Variants in LRATD1 observed in about 807,000 individuals in gnomAD.
LRATD1 encodes the protein LRAT domain containing 1.
LRATD1 carries 8 observed loss-of-function variants against 21.3 expected under a neutral mutation model. The observed-to-expected ratio is 0.38, with a 90% CI of 0.22 to 0.68. The LOEUF is 0.68. Ranked by LOEUF, LRATD1 falls within the 30% of genes least tolerant of loss-of-function variation. LRATD1 has a pLI of 0.54. For missense variants in LRATD1, 380 were observed against 404.0 expected, an observed-to-expected ratio of 0.94 and a Z score of 0.51; for synonymous variants, 210 against 186.2, an observed-to-expected ratio of 1.13 and a Z score of -1.04.
chr2:14,635,722 C>G lies in LRATD1; in HGVS notation c.*864C>G. On this transcript the variant is annotated 3_prime_UTR_variant, in exon 2 of 2. Coordinates refer to ENST00000295092, the MANE Select transcript of LRATD1 (RefSeq NM_145175.4). ...TCTGGGAACTTGAATGTGTGAAGGG[C>G]GCTTATTGTTCTGAACCCTTGATTG... 1 of 430,942 alleles carries G rather than the reference C, an allele frequency of 2.3e-6. No individual in the cohort carries two copies. Among genetic ancestry groups the G allele is most frequent in the African/African-American group, 2.0e-5 (1 of 49,164 alleles). 26.7% of individuals were successfully genotyped at this position (430,942 alleles called of 1,614,324 possible).
downstream of LRATD1, among the ~76,000 whole-genome samples, chr2:14,651,134 T>C (rs1212508198): frequency 2.6e-5 from 4 of 152,186 alleles, no homozygotes; most frequent in African/African-American, 9.7e-5. Context: ...TTAGCATGAA[T>C]TTTTATTTTG....
At position 14,632,803 on chromosome 2, in the gene LRATD1, A is replaced by G. The variant is rs1019401641; in HGVS notation, c.-171A>G. 3 of 152,682 alleles carry G rather than the reference A, an allele frequency of 2.0e-5. No homozygotes were observed. The highest frequency in any genetic ancestry group is 4.4e-5 in the Non-Finnish European group (3 of 68,462). The allele number at this position is 152,682 out of a possible 1,614,324, so 9.5% of individuals were successfully genotyped here. The stretch of plus-strand genomic sequence containing the variant: ...AGGCGCACGGGCGCCGCACCGCACG[A>G]TTCGGCTCGGGGTAGAGCGGAGCCG... On this transcript the variant is annotated 5_prime_UTR_variant, in exon 1 of 2. Transcript: ENST00000295092.
Position 14,635,165 on chromosome 2 carries a change from G to A in LRATD1, c.*307G>A. On this transcript the variant is annotated 3_prime_UTR_variant, in exon 2 of 2. Coordinates refer to ENST00000295092, the MANE Select transcript of LRATD1 (RefSeq NM_145175.4). ...GATGTAAACCGGGAACGGGGAAGGGGCTGAGGGGAGAAAGGACATGGCCTT... is the reference window on the plus strand; with the variant it reads ...GATGTAAACCGGGAACGGGGAAGGGACTGAGGGGAGAAAGGACATGGCCTT... 1 of 657,264 alleles carries A rather than the reference G, an allele frequency of 1.5e-6. No individual in the cohort carries two copies. Among genetic ancestry groups the A allele is most frequent in the Non-Finnish European group, 2.9e-6 (1 of 346,722 alleles). 40.7% of individuals were successfully genotyped at this position (657,264 alleles called of 1,614,324 possible).
rs1671766163 is a variant in LRATD1, at chr2:14,639,587, G to A, written c.*4729G>A. ...TACCTCATTTGAACTCGAAATAGAAGAGGTTTAAGTATTTGAATAAGTTGG... is the reference window on the plus strand; with the variant it reads ...TACCTCATTTGAACTCGAAATAGAAAAGGTTTAAGTATTTGAATAAGTTGG... On this transcript the variant is annotated 3_prime_UTR_variant, in exon 2 of 2. Transcript: ENST00000295092. 1 of 167,056 alleles carries A rather than the reference G, an allele frequency of 6.0e-6. No individual in the cohort carries two copies. The highest frequency in any genetic ancestry group is 1.5e-5 in the Non-Finnish European group (1 of 68,110). The allele number at this position is 167,056 out of a possible 1,614,324, so 10.3% of individuals were successfully genotyped here. A position where few individuals can be genotyped will look rare whatever the true frequency, so the allele number is the denominator to read the frequency against.
At chr2:14,648,759 C>T (rs1474782776) in intron 4 of LRATD1, among the ~76,000 whole-genome samples, 1 of 152,190 alleles carries the variant, frequency 6.6e-6, no homozygotes, top group Non-Finnish European at 1.5e-5. Context: ...GAGATCTTGC[C>T]TAGCTTTCCA....
chr2:14,640,299 G>GT (rs1353808456), downstream of LRATD1, among the ~76,000 whole-genome samples: 1 of 152,118 alleles, frequency 6.6e-6, no homozygotes, highest in African/African-American at 2.4e-5. Context: ...GGTCATGGGT[G>GT]TTTTTCTAAA....
downstream of LRATD1, chr2:14,650,919 A>G (rs886879198): frequency 6.6e-6 from 1 of 152,198 alleles, no homozygotes; most frequent in Non-Finnish European, 1.5e-5. Context: ...ATACACATTT[A>G]TGTGCATATA....
rs1398626691 is a variant in LRATD1 at position 14,639,647 on chromosome 2, C to T, written c.*4789C>T. The T allele has an allele frequency of 4.8e-5, 8 of 167,120 alleles. No homozygotes were observed. The Admixed American group carries it at 5.2e-4, about 11-fold the overall frequency. 10.4% of individuals were successfully genotyped at this position (167,120 alleles called of 1,614,324 possible). A position where few individuals can be genotyped will look rare whatever the true frequency, so the allele number is the denominator to read the frequency against. On this transcript the variant is annotated 3_prime_UTR_variant, in exon 2 of 2. Coordinates refer to ENST00000295092, the MANE Select transcript of LRATD1 (RefSeq NM_145175.4). ...GAAAAATAGTCTTCCCTGCCCTTGT[C>T]ACTGATGGTGACACTACTTGTAATT...
chr2:14,645,043 C>T (rs924993910), intron 2 of LRATD1, among the ~76,000 whole-genome samples: 10 of 152,162 alleles, frequency 6.6e-5, no homozygotes, highest in South Asian at 6.2e-4. Context: ...AAATGGCCTT[C>T]TGAAGGAAAA....
chr2:14,641,551 CT>C (rs1371249628), downstream of LRATD1, among the ~76,000 whole-genome samples: 1 of 152,130 alleles, frequency 6.6e-6, no homozygotes, highest in Non-Finnish European at 1.5e-5. Flanking sequence ...GTCTCTACCC[CT>C]CTAGCTCCTC....
In LRATD1 at chr2:14,637,113, G is replaced by C. The variant is rs1221042154; in HGVS notation, c.*2255G>C. 1.8e-5 allele frequency: 3 copies of C among 166,976 alleles called. No individual in the cohort carries two copies. In the Admixed American group the frequency reaches 2.0e-4, roughly 11 times the overall value. 10.3% of individuals were successfully genotyped at this position (166,976 alleles called of 1,614,324 possible). On this transcript the variant is annotated 3_prime_UTR_variant, in exon 2 of 2. Coordinates refer to ENST00000295092, the MANE Select transcript of LRATD1 (RefSeq NM_145175.4). ...AACTTACTCCTCTTTCAAGTAACAG[G>C]TGGCAGATCATAAAATGAATTCTTT...
downstream of LRATD1, among the ~76,000 whole-genome samples, chr2:14,651,039 T>C (rs1255486978): frequency 1.3e-5 from 2 of 152,160 alleles, no homozygotes; most frequent in Non-Finnish European, 2.9e-5. Context: ...TTATTTACGA[T>C]CTTAATTTCC....
At position 14,639,395 on chromosome 2, in the gene LRATD1, G is replaced by A. The variant is rs188453344; in HGVS notation, c.*4537G>A. Reference sequence around the variant, plus strand: ...ATAAGAAGCAAGATAAAGTGGGGAGGCTATGAGATCATATAATGAGCTAAT... The same window carrying A: ...ATAAGAAGCAAGATAAAGTGGGGAGACTATGAGATCATATAATGAGCTAAT... On this transcript the variant is annotated 3_prime_UTR_variant, in exon 2 of 2. Coordinates refer to ENST00000295092, the MANE Select transcript of LRATD1 (RefSeq NM_145175.4). 1.1e-4 allele frequency: 19 copies of A among 166,984 alleles called. 1 individual carries two copies. The highest frequency in any genetic ancestry group is 4.3e-4 in the African/African-American group (18 of 41,530). The allele number at this position is 166,984 out of a possible 1,614,324, so 10.3% of individuals were successfully genotyped here. A position where few individuals can be genotyped will look rare whatever the true frequency, so the allele number is the denominator to read the frequency against.
At position 14,634,176 on chromosome 2, in the gene LRATD1, A is replaced by G; in HGVS notation, c.197A>G (p.Glu66Gly). The change falls in exon 2 of 2, where the codon GAG becomes GGG. Residue 66 changes from glutamate (E) to glycine (G), a missense_variant. By Grantham distance (98) the Glu-to-Gly change is moderately conservative (BLOSUM62 -2). Transcript: ENST00000295092. The part of the protein sequence containing the change: ...KAPPGCTPCP[E>G]SPSRHHHHLL... ...CCCCCGGGTTGCACCCCCTGCCCGGAGAGCCCCAGCCGCCACCACCACCAC... is the reference window on the plus strand; with the variant it reads ...CCCCCGGGTTGCACCCCCTGCCCGGGGAGCCCCAGCCGCCACCACCACCAC... 6.2e-7 allele frequency: 1 copy of G among 1,613,278 alleles called. No homozygotes were observed. Among genetic ancestry groups the G allele is most frequent in the Non-Finnish European group, 8.5e-7 (1 of 1,179,868 alleles).
At chr2:14,643,956 G>A (rs1425919678), downstream of LRATD1, among the ~76,000 whole-genome samples, 5 of 152,042 alleles carry the variant, frequency 3.3e-5, no homozygotes. Flanking sequence ...GTAGGTCCTC[G>A]ATCAATACTG....
At chr2:14,643,217 G>C (rs1351951610), downstream of LRATD1, among the ~76,000 whole-genome samples, 1 of 152,098 alleles carries the variant, frequency 6.6e-6, no homozygotes, top group East Asian at 1.9e-4. Context: ...GCATGTGTCT[G>C]CTTTATTTGT....
At position 14,633,089 on chromosome 2, in the gene LRATD1, G is replaced by C. The variant is rs1212061497; in HGVS notation, c.-37+152G>C. Reference sequence around the variant, plus strand: ...CCACCCACACCCACACACATACACTGCACTGGCTTTCTCCATCCTTCCCCT... The same window carrying C: ...CCACCCACACCCACACACATACACTCCACTGGCTTTCTCCATCCTTCCCCT... On this transcript the variant is annotated intron_variant, in intron 1 of 1. Transcript: ENST00000295092. This position sits in a 1 kb window ranked among gnomAD's most constrained non-coding sequence, Gnocchi z 7.5. 6.6e-6 allele frequency among the ~76,000 whole-genome samples: 1 copy of C among 152,162 alleles called. No individual in the cohort carries two copies. The highest frequency in any genetic ancestry group is 6.5e-5 in the Admixed American group (1 of 15,276).
Position 14,634,884 on chromosome 2 carries a change from G to A in LRATD1, c.*26G>A, listed in dbSNP as rs763892256. The A allele has an allele frequency of 1.4e-5, 22 of 1,596,020 alleles. No individual in the cohort carries two copies. The highest frequency in any genetic ancestry group is 7.8e-5 in the South Asian group (7 of 89,560). ...CCGCCTAGGGGCTGCCGGCCCCTCT[G>A]CCTCCCCCGCACCTCGCTCCCTTCC... On this transcript the variant is annotated 3_prime_UTR_variant, in exon 2 of 2. Transcript: ENST00000295092.
Position 14,635,024 on chromosome 2 carries a change from C to T in LRATD1, c.*166C>T. On this transcript the variant is annotated 3_prime_UTR_variant, in exon 2 of 2. Coordinates refer to ENST00000295092, the MANE Select transcript of LRATD1 (RefSeq NM_145175.4). ...CTGCACCCCCGCATCCCCAAGCCAG[C>T]GGCAGGAAGTCTCAGGAACTGCCCC... 2 of 1,011,086 alleles carry T rather than the reference C, an allele frequency of 2.0e-6. No homozygotes were observed. Among genetic ancestry groups the T allele is most frequent in the African/African-American group, 1.6e-5 (1 of 62,490 alleles). 62.6% of individuals were successfully genotyped at this position (1,011,086 alleles called of 1,614,324 possible). A position where few individuals can be genotyped will look rare whatever the true frequency, so the allele number is the denominator to read the frequency against.
Sources: allele counts gnomAD v4.1 joint callset (sites outside exome capture counted in the v4.1 genomes callset), GRCh38; gene constraint gnomAD v4.1.1; non-coding constraint Gnocchi (gnomAD v3.1); transcripts MANE v1.5; gene names NCBI Gene and HGNC (gene_info 2026-07-23, HGNC 2026-07-21).